The following ADGB variants were observed in gnomAD, a reference collection of about 807,000 sequenced individuals.
ADGB encodes the protein calpain-7-like protein.
ADGB carries 172 observed loss-of-function variants against 210.5 expected under a neutral mutation model. The observed-to-expected ratio is 0.82, with a 90% CI of 0.72 to 0.93. The LOEUF (loss-of-function observed/expected upper bound fraction) is 0.93, where lower values mean the gene tolerates loss of function less well. Among genes scored for constraint, ADGB ranks in the 40% least tolerant of loss-of-function variants. ADGB has a pLI of 0.00. For missense variants in ADGB, 2,025 were observed against 1,964.8 expected, an observed-to-expected ratio of 1.03 and a Z score of -0.58; for synonymous variants, 658 against 662.7, an observed-to-expected ratio of 0.99 and a Z score of 0.11.
At chr6:146,683,331 T>C (rs568957370) in intron 9 of ADGB, among the ~76,000 whole-genome samples, 7 of 152,232 alleles carry the variant, frequency 4.6e-5, no homozygotes, top group Non-Finnish European at 4.4e-5. Flanking sequence ...TGAATCTCAT[T>C]TATAAGATGT....
chr6:146,632,262 C>T (rs998837421), intron 1 of ADGB, among the ~76,000 whole-genome samples: 1 of 152,170 alleles, frequency 6.6e-6, no homozygotes, highest in African/African-American at 2.4e-5. Context: ...TGACCACATT[C>T]CTCGGCTTGT....
At chr6:146,748,333 C>T (rs1012973537) in intron 26 of ADGB, among the ~76,000 whole-genome samples, 30 of 152,042 alleles carry the variant, frequency 2.0e-4, no homozygotes, top group African/African-American at 5.8e-4. Context: ...AACAAAAGTC[C>T]ACACACTGGG....
chr6:146,670,388 GTCT>G (rs1181343845), intron 7 of ADGB, among the ~76,000 whole-genome samples: 1 of 152,166 alleles, frequency 6.6e-6, no homozygotes, highest in Non-Finnish European at 1.5e-5. Flanking sequence ...GGTCACCCAA[GTCT>G]TCTTTCTGTT....
chr6:146,735,676 A>G (rs1229537370), intron 22 of ADGB, among the ~76,000 whole-genome samples: 1 of 152,232 alleles, frequency 6.6e-6, no homozygotes, highest in East Asian at 1.9e-4. Flanking sequence ...ATTTACATAT[A>G]ATGATTTTAC....
intron 12 of ADGB, among the ~76,000 whole-genome samples, chr6:146,697,352 T>A (rs912735610): frequency 6.6e-6 from 1 of 152,192 alleles, no homozygotes; most frequent in Non-Finnish European, 1.5e-5. Context: ...GTTATACACA[T>A]ATATCAAAGA....
chr6:146,807,265 A>G (rs1190342151), intron 35 of ADGB: 3 of 825,134 alleles, frequency 3.6e-6, no homozygotes, highest in South Asian at 3.5e-5. Context: ...GAGACCATAC[A>G]CTAATTTTCA....
chr6:146,673,215 C>T (rs1227387726), intron 8 of ADGB, among the ~76,000 whole-genome samples: 20 of 152,166 alleles, frequency 1.3e-4, no homozygotes, highest in Admixed American at 1.3e-3. Flanking sequence ...GGCATTGGGA[C>T]ATATGGACAT....
chr6:146,721,114 T>C (rs1012820936), intron 16 of ADGB, among the ~76,000 whole-genome samples: 1 of 152,192 alleles, frequency 6.6e-6, no homozygotes, highest in African/African-American at 2.4e-5. Context: ...TTCTCATTTC[T>C]GGAACAAGCA....
At chr6:146,740,339 A>G (rs1483987122) in intron 23 of ADGB, 120 bp from the exon 24 acceptor site, 5 of 909,190 alleles carry the variant, frequency 5.5e-6, no homozygotes, top group Non-Finnish European at 8.0e-6. Context: ...TCAAGATCTC[A>G]ATCTAGCCAA....
At chr6:146,780,683 T>G (rs1777785552) in intron 29 of ADGB, among the ~76,000 whole-genome samples, 1 of 151,782 alleles carries the variant, frequency 6.6e-6, no homozygotes, top group South Asian at 2.1e-4. Flanking sequence ...ACAACAGAAT[T>G]CAAAATACAT....
chr6:146,798,639 G>A (rs889513771), intron 33 of ADGB, among the ~76,000 whole-genome samples: 5 of 150,232 alleles, frequency 3.3e-5, no homozygotes, highest in African/African-American at 1.2e-4. Flanking sequence ...TGTATTCTCC[G>A]ACAACACTCT....
intron 29 of ADGB, among the ~76,000 whole-genome samples, chr6:146,770,092 G>A (rs1777629665): frequency 6.6e-6 from 1 of 152,094 alleles, no homozygotes; most frequent in Non-Finnish European, 1.5e-5. Context: ...TCCCTAGTTA[G>A]ATCCCATATG....
rs1359178560 is a variant in ADGB at position 146,769,042 on chromosome 6, G to A, written c.3773G>A (p.Cys1258Tyr). The A allele has an allele frequency of 6.6e-7, 1 of 1,523,408 alleles. No individual in the cohort carries two copies. Among genetic ancestry groups the A allele is most frequent in the Non-Finnish European group, 8.9e-7 (1 of 1,126,932 alleles). 94.4% of individuals were successfully genotyped at this position (1,523,408 alleles called of 1,614,324 possible). A position where few individuals can be genotyped will look rare whatever the true frequency, so the allele number is the denominator to read the frequency against. ...CAGAATTACAAGTATATTATACAGT[G>A]TTCGGTGTTGTATAACAGTTGGCCT... ...PLQNYKYIIQCSVLYNSWPLT... is the reference protein window; with the variant it reads ...PLQNYKYIIQYSVLYNSWPLT... The change falls in exon 29 of 36, where the codon TGT (cysteine) becomes TAT (tyrosine). Residue 1258 changes from cysteine (C) to tyrosine (Y), a missense_variant. Cys to Tyr is a radical substitution (Grantham distance 194). Coordinates refer to ENST00000397944, the MANE Select transcript of ADGB (RefSeq NM_024694.4).
chr6:146,656,523 A>C (rs1284811988), intron 4 of ADGB, among the ~76,000 whole-genome samples: 1 of 152,204 alleles, frequency 6.6e-6, no homozygotes, highest in East Asian at 1.9e-4. Context: ...AGTTTACTTC[A>C]GCAGACAGCT....
intron 12 of ADGB, among the ~76,000 whole-genome samples, chr6:146,693,769 A>G (rs1325383987): frequency 6.6e-6 from 1 of 152,142 alleles, no homozygotes; most frequent in Non-Finnish European, 1.5e-5. Context: ...CACTTTGCTT[A>G]GAAATTTCCT....
At chr6:146,616,645 G>A (rs1310298705) in intron 1 of ADGB, among the ~76,000 whole-genome samples, 1 of 152,058 alleles carries the variant, frequency 6.6e-6, no homozygotes, top group Non-Finnish European at 1.5e-5. Context: ...TTTTATGCAT[G>A]TGAATATCCA....
At chr6:146,607,203 G>A (rs1486272378) in intron 1 of ADGB, among the ~76,000 whole-genome samples, 2 of 152,074 alleles carry the variant, frequency 1.3e-5, no homozygotes, top group African/African-American at 4.8e-5. Context: ...CAGCTTAGAC[G>A]TTTTTGGCAT....
intron 10 of ADGB, among the ~76,000 whole-genome samples, chr6:146,689,262 C>T (rs1231740051): frequency 1.3e-5 from 2 of 152,114 alleles, no homozygotes; most frequent in South Asian, 4.1e-4. Context: ...CTCCCTCATC[C>T]CCTAATTGTA....
chr6:146,791,802 G>A (rs550005990), intron 33 of ADGB, among the ~76,000 whole-genome samples: 5 of 151,518 alleles, frequency 3.3e-5, no homozygotes, highest in East Asian at 2.0e-4. Flanking sequence ...TCAGTCACCC[G>A]AACTGGAGTT....
Sources: allele counts gnomAD v4.1 joint callset (sites outside exome capture counted in the v4.1 genomes callset), GRCh38; gene constraint gnomAD v4.1.1; transcripts MANE v1.5; gene names NCBI Gene and HGNC (gene_info 2026-07-23, HGNC 2026-07-21).